The following DAB1 variants were observed in gnomAD, a reference collection of about 807,000 sequenced individuals.
The protein encoded by DAB1 is DAB adaptor protein 1.
DAB1 carries 15 observed loss-of-function variants against 64.6 expected under a neutral mutation model. The ratio of observed to expected loss-of-function variants is 0.23; its 90% CI spans 0.16 to 0.36. DAB1 has a LOEUF of 0.36. Among genes scored for constraint, DAB1 ranks in the 10% least tolerant of loss-of-function variants. The pLI, the probability that DAB1 is intolerant of heterozygous loss-of-function variation, is 1.00. For missense variants in DAB1, 596 were observed against 706.7 expected, an observed-to-expected ratio of 0.84 and a Z score of 1.78; for synonymous variants, 235 against 251.9, an observed-to-expected ratio of 0.93 and a Z score of 0.64.
chr1:58,125,418 T>C (rs1031910850), intron 5 of DAB1, among the ~76,000 whole-genome samples: 1 of 151,816 alleles, frequency 6.6e-6, no homozygotes, highest in Non-Finnish European at 1.5e-5. Flanking sequence ...ATAATAGTCA[T>C]AATACTTACA....
chr1:58,329,503 A>G (rs1172461355), intron 4 of DAB1, among the ~76,000 whole-genome samples: 1 of 152,172 alleles, frequency 6.6e-6, no homozygotes, highest in Non-Finnish European at 1.5e-5. Context: ...TTTTTATCCA[A>G]TACCTAACCT....
Position 56,997,948 on chromosome 1 carries a change from T to G in DAB1, c.*196A>C, listed in dbSNP as rs1244525913. 6.6e-6 allele frequency: 1 copy of G among 152,610 alleles called. No individual in the cohort carries two copies. The highest frequency in any genetic ancestry group is 1.5e-5 in the Non-Finnish European group (1 of 68,046). 9.5% of individuals were successfully genotyped at this position (152,610 alleles called of 1,614,324 possible). ...TCTGCCATTGGTTGCCAAAAATGCT[T>G]AGTTCCCTCTTCTGAGCGAGTTCCA... On this transcript the variant is annotated 3_prime_UTR_variant, in exon 15 of 15. Transcript: ENST00000371236.
intron 7 of DAB1, among the ~76,000 whole-genome samples, chr1:57,552,806 G>T (rs544263508): frequency 6.6e-6 from 1 of 152,270 alleles, no homozygotes; most frequent in East Asian, 1.9e-4. Context: ...TCAGATTTAT[G>T]CTCATTCCTA....
chr1:58,174,838 C>T (rs548859009), intron 4 of DAB1, among the ~76,000 whole-genome samples: 38 of 151,670 alleles, frequency 2.5e-4, no homozygotes, highest in Admixed American at 6.6e-4. Context: ...CACCAATCAG[C>T]GCTCTGTAAA....
intron 3 of DAB1, among the ~76,000 whole-genome samples, chr1:58,485,212 T>C (rs1326574980): frequency 1.1e-4 from 1 of 9,280 alleles, no homozygotes; most frequent in East Asian, 3.7e-3. Context: ...AGTCTAAAAA[T>C]AAAAGAGTCT....
intron 3 of DAB1, among the ~76,000 whole-genome samples, chr1:58,466,950 A>T (rs1411824003): frequency 6.6e-6 from 1 of 152,196 alleles, no homozygotes; most frequent in Admixed American, 6.5e-5. Flanking sequence ...TGTTGAATGA[A>T]TGAATATGTG....
chr1:58,152,351 G>C (rs539195498), intron 4 of DAB1, among the ~76,000 whole-genome samples: 1 of 152,108 alleles, frequency 6.6e-6, no homozygotes, highest in African/African-American at 2.4e-5. Context: ...TCAGAGAGAA[G>C]GTAAAGAGAA....
At chr1:57,685,876 C>A (rs1005159434) in intron 6 of DAB1, among the ~76,000 whole-genome samples, 6 of 152,116 alleles carry the variant, frequency 3.9e-5, no homozygotes, top group African/African-American at 1.4e-4. Flanking sequence ...GATAATGATA[C>A]AACTTACCAA....
chr1:56,999,795 TC>T (rs1324513341), intron 14 of DAB1, among the ~76,000 whole-genome samples: 1 of 152,154 alleles, frequency 6.6e-6, no homozygotes, highest in Admixed American at 6.5e-5. Flanking sequence ...AATTTCTGGT[TC>T]CTCTAGAACT....
chr1:57,393,164 C>A (rs559758198), intron 1 of DAB1, among the ~76,000 whole-genome samples: 1 of 152,036 alleles, frequency 6.6e-6, no homozygotes, highest in African/African-American at 2.4e-5. Context: ...AATTCTTTGG[C>A]CTTGGTTTCT....
intron 2 of DAB1, among the ~76,000 whole-genome samples, chr1:57,226,410 C>G (rs1163386319): frequency 6.6e-6 from 1 of 152,040 alleles, no homozygotes; most frequent in Non-Finnish European, 1.5e-5. Flanking sequence ...CAGCCCCAAG[C>G]CCTTGGAGAC....
chr1:57,838,782 T>A (rs919630482), intron 1 of DAB1, among the ~76,000 whole-genome samples: 1 of 151,316 alleles, frequency 6.6e-6, no homozygotes, highest in Admixed American at 6.6e-5. Context: ...TTTTTTTTTT[T>A]TTTCTTTTTT....
Position 58,153,753 on chromosome 1 carries a change from A to G in DAB1, n.310-3165T>C, listed in dbSNP as rs549625134. On this transcript the variant is annotated intron_variant and non_coding_transcript_variant, in intron 4 of 20. Coordinates refer to the DAB1 transcript ENST00000485760. ...AAAGAATCTGCTTCTTACAGAATAG[A>G]GTTGCCAGGACTGTGGGAGCCTTGT... Among the ~76,000 whole-genome samples, 5 of 151,238 alleles carry G rather than the reference A, an allele frequency of 3.3e-5. No homozygotes were observed. The East Asian group carries it at 5.9e-4, about 18-fold the overall frequency.
At chr1:57,157,200 A>G (rs1056425732) in intron 2 of DAB1, among the ~76,000 whole-genome samples, 1 of 152,138 alleles carries the variant, frequency 6.6e-6, no homozygotes, top group African/African-American at 2.4e-5. Context: ...CACAGCCAAG[A>G]TAAGTATTTT....
chr1:57,735,518 C>T (rs151013162), intron 6 of DAB1, among the ~76,000 whole-genome samples: 4 of 151,542 alleles, frequency 2.6e-5, no homozygotes, highest in African/African-American at 7.3e-5. Context: ...TAAAATGCCT[C>T]TCTAGTAAGA....
chr1:57,868,043 C>A (rs961032819), intron 1 of DAB1, among the ~76,000 whole-genome samples: 1 of 152,174 alleles, frequency 6.6e-6, no homozygotes, highest in African/African-American at 2.4e-5. Context: ...AGTAGAAAAG[C>A]TCCAGCCCAG....
In DAB1 at chr1:56,995,921, A is replaced by G. The variant is rs1249537802; in HGVS notation, c.*2223T>C. 2.6e-5 allele frequency: 4 copies of G among 152,304 alleles called. No individual in the cohort carries two copies. Among genetic ancestry groups the G allele is most frequent in the Middle Eastern group, 3.4e-3 (1 of 294 alleles). 9.4% of individuals were successfully genotyped at this position (152,304 alleles called of 1,614,324 possible). ...GCTCATTTCTCAAGAAACTCTGTGG[A>G]CCAACAGGTGATAGCTACAGAGGGA... On this transcript the variant is annotated 3_prime_UTR_variant, in exon 15 of 15. Transcript: ENST00000371236.
At chr1:58,048,869 A>G in intron 5 of DAB1, 1 of 947,956 alleles carries the variant, frequency 1.1e-6, no homozygotes, top group Non-Finnish European at 1.7e-6. Context: ...TTTCTTTGCC[A>G]CTGCCTCAGT....
At chr1:57,524,704 G>A (rs545133490) in intron 7 of DAB1, among the ~76,000 whole-genome samples, 98 of 152,244 alleles carry the variant, frequency 6.4e-4, no homozygotes, top group Middle Eastern at 3.4e-3. Context: ...GATCAGTTAG[G>A]GTGGGGCAGA....
Sources: allele counts gnomAD v4.1 joint callset (sites outside exome capture counted in the v4.1 genomes callset), GRCh38; gene constraint gnomAD v4.1.1; transcripts MANE v1.5; gene names NCBI Gene and HGNC (gene_info 2026-07-23, HGNC 2026-07-21).